The following ZFAND3 variants were observed in gnomAD, a reference collection of about 807,000 sequenced individuals.
ZFAND3 encodes zinc finger AN1-type containing 3, also known as AN1-type zinc finger protein 3.
A neutral mutation model predicts 29.6 loss-of-function variants in ZFAND3; 10 were observed. The observed-to-expected ratio is 0.34, with a 90% CI of 0.21 to 0.57. The LOEUF is 0.57. ZFAND3 is among the 20% of genes least tolerant of loss of function. The probability of loss-of-function intolerance (pLI) is 0.86; values close to 1 mark genes in which losing one functional copy is unlikely to be tolerated. For synonymous variants in ZFAND3, 128 were observed against 112.6 expected, an observed-to-expected ratio of 1.14 and a Z score of -0.87; for missense variants, 230 against 304.5, an observed-to-expected ratio of 0.76 and a Z score of 1.82.
intron 2 of ZFAND3, among the ~76,000 whole-genome samples, chr6:37,933,132 T>G (rs1427531728): frequency 6.6e-6 from 1 of 152,252 alleles, no homozygotes; most frequent in Non-Finnish European, 1.5e-5. Flanking sequence ...AAAGCCACTG[T>G]GATCTTAAAA....
chr6:38,081,662 A>G (rs968836616), intron 3 of ZFAND3, among the ~76,000 whole-genome samples: 4 of 152,100 alleles, frequency 2.6e-5, no homozygotes, highest in African/African-American at 4.8e-5. Context: ...GTATGTATCA[A>G]TATCAACCTC....
At chr6:37,913,110 A>G (rs1253628747) in intron 1 of ZFAND3, among the ~76,000 whole-genome samples, 1 of 152,180 alleles carries the variant, frequency 6.6e-6, no homozygotes, top group Non-Finnish European at 1.5e-5. Flanking sequence ...CCCTTGATCA[A>G]GGTGGTGGTT....
chr6:38,064,354 C>T (rs1481181671), intron 3 of ZFAND3, among the ~76,000 whole-genome samples: 4 of 152,232 alleles, frequency 2.6e-5, no homozygotes, highest in South Asian at 4.1e-4. Context: ...CATTGTTTTT[C>T]GTGATAACCC....
At chr6:37,914,521 T>G (rs559657618) in intron 1 of ZFAND3, among the ~76,000 whole-genome samples, 108 of 152,154 alleles carry the variant, frequency 7.1e-4, no homozygotes, top group African/African-American at 2.5e-3. Flanking sequence ...GTATTTTTAG[T>G]AGAGATGGGG....
intron 2 of ZFAND3, among the ~76,000 whole-genome samples, chr6:37,962,944 CT>C (rs1455965661): frequency 6.6e-6 from 1 of 152,032 alleles, no homozygotes. Flanking sequence ...GAACAAACAA[CT>C]CCGGACGCAC....
chr6:37,906,700 GT>G lies in ZFAND3; in HGVS notation c.72-23245del, dbSNP rs5875602. Among the ~76,000 whole-genome samples the G allele has an allele frequency of 7.1e-3, 1,028 of 143,938 alleles. 14 individuals carry two copies. The highest frequency in any genetic ancestry group is 0.021 in the African/African-American group (814 of 39,404). The allele number at this position is 143,938 out of a possible 152,430, so 94.4% of individuals were successfully genotyped here. A position where few individuals can be genotyped will look rare whatever the true frequency, so the allele number is the denominator to read the frequency against. ...ACATACTGGCCAACACTTACTTTCT[GT>G]TTTTTTTTTTTTTAATTAAATTTTA... On this transcript the variant is annotated intron_variant, in intron 1 of 5. Coordinates refer to ENST00000287218, the MANE Select transcript of ZFAND3 (RefSeq NM_021943.3).
chr6:37,868,058 GTTAA>G (rs1044530638), intron 1 of ZFAND3, among the ~76,000 whole-genome samples: 1 of 152,144 alleles, frequency 6.6e-6, no homozygotes, highest in Admixed American at 6.5e-5. Context: ...TAAGAATGAT[GTTAA>G]TTGTTAAATT....
intron 3 of ZFAND3, among the ~76,000 whole-genome samples, chr6:38,065,822 G>A (rs1279401001): frequency 6.6e-6 from 1 of 152,188 alleles, no homozygotes; most frequent in Non-Finnish European, 1.5e-5. Context: ...TCATAAGAGG[G>A]ATTACCTAAA....
chr6:38,091,032 G>C (rs1025583645), intron 4 of ZFAND3, among the ~76,000 whole-genome samples: 1 of 152,214 alleles, frequency 6.6e-6, no homozygotes, highest in Non-Finnish European at 1.5e-5. Context: ...AGGAGAAGCA[G>C]GGGCTCCTCT....
intron 3 of ZFAND3, among the ~76,000 whole-genome samples, chr6:38,066,418 G>A (rs1050413538): frequency 1.3e-5 from 2 of 152,206 alleles, no homozygotes; most frequent in Non-Finnish European, 2.9e-5. Flanking sequence ...ATCCTCAAGG[G>A]ACCAGAATTT....
chr6:37,849,258 G>A (rs1226540521), intron 1 of ZFAND3, among the ~76,000 whole-genome samples: 1 of 152,080 alleles, frequency 6.6e-6, no homozygotes, highest in African/African-American at 2.4e-5. Flanking sequence ...TTTTAGAGTT[G>A]CATTGTTCTA....
chr6:37,960,899 A>C lies in ZFAND3; in HGVS notation c.112+30900A>C, dbSNP rs536652572. Among the ~76,000 whole-genome samples the C allele has an allele frequency of 2.0e-5, 3 of 151,998 alleles. No homozygotes were observed. The South Asian group carries it at 6.2e-4, about 32-fold the overall frequency. ...ATTTGAGACCAACCTGGGCAACATA[A>C]TGAGACCCCACCTTTACCAAAAATT... is the stretch of plus-strand genomic sequence containing the variant. On this transcript the variant is annotated intron_variant, in intron 2 of 5. Transcript: ENST00000287218.
At chr6:37,889,940 T>C (rs565108253) in intron 1 of ZFAND3, among the ~76,000 whole-genome samples, 1 of 152,248 alleles carries the variant, frequency 6.6e-6, no homozygotes, top group Non-Finnish European at 1.5e-5. Flanking sequence ...TAATTTGACA[T>C]GTTAAGACGT....
In ZFAND3 at chr6:38,139,004, C is replaced by T. The variant is rs551211770; in HGVS notation, c.530-13231C>T. Among the ~76,000 whole-genome samples, 8 of 152,242 alleles carry T rather than the reference C, an allele frequency of 5.3e-5. No individual in the cohort carries two copies. The South Asian group carries it at 1.7e-3, about 32-fold the overall frequency. On this transcript the variant is annotated intron_variant, in intron 5 of 5. Transcript: ENST00000287218. The stretch of plus-strand genomic sequence containing the variant: ...ATGAAATTACCTAAAGGAGAAAATG[C>T]AGGAGGACGTGATGCTGGGTGATTT...
chr6:38,079,046 A>C (rs907918062), intron 3 of ZFAND3, among the ~76,000 whole-genome samples: 5 of 152,192 alleles, frequency 3.3e-5, no homozygotes, highest in African/African-American at 1.2e-4. Context: ...GTGGCCCTTA[A>C]TTTCCTGCAT....
chr6:38,050,541 A>G (rs1225049115), intron 2 of ZFAND3, among the ~76,000 whole-genome samples: 1 of 152,032 alleles, frequency 6.6e-6, no homozygotes, highest in African/African-American at 2.4e-5. Context: ...ATGGTTTTAT[A>G]AGGAACTTTT....
chr6:38,041,239 G>A (rs1293579471), intron 2 of ZFAND3, among the ~76,000 whole-genome samples: 1 of 152,140 alleles, frequency 6.6e-6, no homozygotes, highest in Non-Finnish European at 1.5e-5. Context: ...TTAAGGTAGT[G>A]TGCTCATGTC....
chr6:38,095,377 G>A (rs1304425486), intron 4 of ZFAND3, among the ~76,000 whole-genome samples: 2 of 151,972 alleles, frequency 1.3e-5, no homozygotes, highest in Admixed American at 6.6e-5. Flanking sequence ...CCTTATATTT[G>A]CATTATAGCT....
intron 1 of ZFAND3, 21 bp downstream of exon 1, chr6:37,820,037 G>T: frequency 1.1e-6 from 1 of 872,926 alleles, no homozygotes; most frequent in Non-Finnish European, 1.4e-6. Flanking sequence ...GGCCGGGTGG[G>T]GGCGGGGGGC....
Sources: allele counts gnomAD v4.1 joint callset (sites outside exome capture counted in the v4.1 genomes callset), GRCh38; gene constraint gnomAD v4.1.1; transcripts MANE v1.5; gene names NCBI Gene and HGNC (gene_info 2026-07-23, HGNC 2026-07-21).